HACE1: variants seen among roughly 807,000 people sequenced by gnomAD.
HACE1 encodes HECT domain and ankyrin repeat containing E3 ubiquitin protein ligase 1, also known as E3 ubiquitin-protein ligase HACE1.
Under a neutral mutation model 118.4 loss-of-function variants are expected in HACE1, and 73 were observed. The ratio of observed to expected loss-of-function variants is 0.62; its 90% CI spans 0.51 to 0.75. The LOEUF (loss-of-function observed/expected upper bound fraction) is 0.75. HACE1 is among the 30% of genes least tolerant of loss of function. HACE1 has a pLI of 0.00. For missense variants in HACE1, 749 were observed against 1,102.2 expected (o/e 0.68, Z 4.54); for synonymous variants, 368 against 374.8 (o/e 0.98, Z 0.21).
At chr6:104,828,700 G>C (rs890424861) in intron 6 of HACE1, among the ~76,000 whole-genome samples, 1 of 151,968 alleles carries the variant, frequency 6.6e-6, no homozygotes, top group Admixed American at 6.6e-5. Flanking sequence ...AGAGGAAAAT[G>C]AGACCTTTAT....
rs574727232 is a variant in HACE1 at position 104,768,370 on chromosome 6, CA to C, written c.2211+2822del. On this transcript the variant is annotated intron_variant, in intron 19 of 23. Coordinates refer to ENST00000262903, the MANE Select transcript of HACE1 (RefSeq NM_020771.4). ...AAAAGTTCATAACAGAATGTATAAG[CA>C]AAAAAAAAGAACAAACCAAAAATCA... Among the ~76,000 whole-genome samples the C allele has an allele frequency of 9.4e-3, 1,398 of 148,726 alleles. 9 individuals carry two copies. Among genetic ancestry groups the C allele is most frequent in the Admixed American group, 0.012 (172 of 14,926 alleles).
intron 17 of HACE1, among the ~76,000 whole-genome samples, chr6:104,774,935 T>C (rs1002443482): frequency 1.3e-5 from 2 of 152,362 alleles, no homozygotes; most frequent in East Asian, 1.9e-4. Flanking sequence ...GATTCCTATA[T>C]GTAATTCTCT....
Position 104,791,490 on chromosome 6 carries a change from T to A in HACE1, c.1074+14A>T. 1.2e-6 allele frequency: 2 copies of A among 1,602,948 alleles called. No individual in the cohort carries two copies. ...TACGTCTATCTTCCTAACAATGCCA[T>A]ATACTTTTCTCACCTTGAACACCTG... is the stretch of plus-strand genomic sequence containing the variant. On this transcript the variant is annotated intron_variant, in intron 11 of 23. Coordinates refer to ENST00000262903, the MANE Select transcript of HACE1 (RefSeq NM_020771.4).
chr6:104,748,714 C>T (rs145313059), intron 20 of HACE1, among the ~76,000 whole-genome samples: 51 of 152,292 alleles, frequency 3.3e-4, no homozygotes, highest in African/African-American at 1.2e-3. Context: ...AACTGAAATG[C>T]TATACAGCAA....
chr6:104,739,847 A>G (rs1383709563), intron 22 of HACE1, among the ~76,000 whole-genome samples: 3 of 152,006 alleles, frequency 2.0e-5, no homozygotes, highest in African/African-American at 7.3e-5. Context: ...TCTCCACCCC[A>G]AATCAACAGA....
At chr6:104,805,506 A>G (rs1012325794) in intron 7 of HACE1, among the ~76,000 whole-genome samples, 1 of 152,218 alleles carries the variant, frequency 6.6e-6, no homozygotes, top group African/African-American at 2.4e-5. Flanking sequence ...CAGATACACC[A>G]TGGAATACTA....
intron 6 of HACE1, among the ~76,000 whole-genome samples, chr6:104,821,661 T>C (rs987690644): frequency 1.3e-5 from 2 of 152,188 alleles, no homozygotes; most frequent in Non-Finnish European, 1.5e-5. Flanking sequence ...AAAGAGATCA[T>C]GTAATTTGTA....
At chr6:104,837,707 G>A (rs1774685031) in intron 5 of HACE1, among the ~76,000 whole-genome samples, 2 of 152,104 alleles carry the variant, frequency 1.3e-5, no homozygotes, top group Non-Finnish European at 2.9e-5. Context: ...AACAGTACTG[G>A]AAGACCTAGC....
intron 19 of HACE1, among the ~76,000 whole-genome samples, chr6:104,753,960 G>T (rs1778343046): frequency 6.6e-6 from 1 of 152,130 alleles, no homozygotes; most frequent in Non-Finnish European, 1.5e-5. Flanking sequence ...AAACTTCACT[G>T]AGATAAAGGA....
chr6:104,854,232 C>A (rs1776510064), intron 1 of HACE1, among the ~76,000 whole-genome samples: 1 of 152,146 alleles, frequency 6.6e-6, no homozygotes, highest in Non-Finnish European at 1.5e-5. Flanking sequence ...AACTAAAGAA[C>A]TATCACAGTT....
chr6:104,832,416 C>T (rs1400531140), intron 6 of HACE1, among the ~76,000 whole-genome samples: 1 of 151,798 alleles, frequency 6.6e-6, no homozygotes, highest in Non-Finnish European at 1.5e-5. Context: ...TTGTTTGATA[C>T]AGGCTCTCAC....
At chr6:104,805,337 A>G (rs1483945862) in intron 7 of HACE1, among the ~76,000 whole-genome samples, 3 of 152,212 alleles carry the variant, frequency 2.0e-5, no homozygotes, top group Non-Finnish European at 4.4e-5. Context: ...CATTTGACCC[A>G]GCCATCCCAT....
In HACE1 at chr6:104,798,679, T is replaced by G. The variant is rs548937600; in HGVS notation, c.618-1654A>C. Among the ~76,000 whole-genome samples the G allele has an allele frequency of 2.0e-5, 3 of 152,374 alleles. No individual in the cohort carries two copies. The South Asian group carries it at 6.2e-4, about 32-fold the overall frequency. ...AAGCTCAAAGTGTTGGTCAAGATGT[T>G]ATAAACAATAGCTAACAGTGGTTAA... On this transcript the variant is annotated intron_variant, in intron 7 of 23. Coordinates refer to ENST00000262903, the MANE Select transcript of HACE1 (RefSeq NM_020771.4).
intron 6 of HACE1, among the ~76,000 whole-genome samples, chr6:104,822,123 CT>C (rs1411544405): frequency 4.7e-5 from 7 of 148,014 alleles, no homozygotes; most frequent in Non-Finnish European, 1.0e-4. Flanking sequence ...AATCCCAGCA[CT>C]TTGGGAGGCT....
At chr6:104,830,783 C>T (rs1176611137) in intron 6 of HACE1, among the ~76,000 whole-genome samples, 1 of 122,630 alleles carries the variant, frequency 8.2e-6, no homozygotes, top group Non-Finnish European at 1.6e-5. Context: ...TTTGAAGAGA[C>T]GAGGTGCAGT....
At chr6:104,845,633 ATG>A (rs1775593299) in intron 4 of HACE1, 1 of 152,078 alleles carries the variant, frequency 6.6e-6, no homozygotes, top group South Asian at 2.1e-4. Context: ...ACCCGCCACC[ATG>A]CCTGGCTAAT....
chr6:104,804,265 A>T (rs1188599214), intron 7 of HACE1, among the ~76,000 whole-genome samples: 1 of 152,250 alleles, frequency 6.6e-6, no homozygotes, highest in Non-Finnish European at 1.5e-5. Context: ...GGAAGAATCA[A>T]TATCGTGAAA....
chr6:104,796,143 G>A (rs559560481), intron 9 of HACE1, among the ~76,000 whole-genome samples: 16 of 151,716 alleles, frequency 1.1e-4, no homozygotes, highest in African/African-American at 3.9e-4. Context: ...TCACTGTATC[G>A]CCCAGGCTAG....
At chr6:104,827,720 G>A (rs1014985622) in intron 6 of HACE1, among the ~76,000 whole-genome samples, 5 of 152,068 alleles carry the variant, frequency 3.3e-5, no homozygotes, top group African/African-American at 1.2e-4. Context: ...TTACATGGCT[G>A]TCCGTAACTG....
Sources: allele counts gnomAD v4.1 joint callset (sites outside exome capture counted in the v4.1 genomes callset), GRCh38; gene constraint gnomAD v4.1.1; transcripts MANE v1.5; gene names NCBI Gene and HGNC (gene_info 2026-07-23, HGNC 2026-07-21).